Variants in EXD3 observed in about 807,000 individuals in gnomAD.
EXD3 encodes the protein exonuclease 3'-5' domain containing 3, also known as exonuclease mut-7 homolog.
A neutral mutation model predicts 98.0 loss-of-function variants in EXD3; 92 were observed. That is an observed-to-expected ratio of 0.94 (90% CI 0.79 to 1.12). The LOEUF is 1.12. Among genes scored for constraint, EXD3 ranks in the 50% most tolerant of loss-of-function variants. EXD3 has a pLI of 0.00. For synonymous variants in EXD3, 569 were observed against 526.0 expected, an observed-to-expected ratio of 1.08 and a Z score of -1.12; for missense variants, 1,222 against 1,191.6, an observed-to-expected ratio of 1.03 and a Z score of -0.38.
chr9:137,328,632 C>G (rs1029944766), intron 17 of EXD3, among the ~76,000 whole-genome samples: 1 of 66,660 alleles, frequency 1.5e-5, no homozygotes, highest in African/African-American at 8.3e-5. Flanking sequence ...CTACACGGGA[C>G]TACACGGGGC....
At position 137,385,023 on chromosome 9, in the gene EXD3, C is replaced by T. The variant is rs527697515; in HGVS notation, c.56-1646G>A. ...AGGAGAACAGCATGAACCCGGGAGG[C>T]GGAGGTCGCAGTGAGCCGAGATCGG... On this transcript the variant is annotated intron_variant, in intron 2 of 21. Transcript: ENST00000340951. The surrounding 1 kb of genome is among the most constrained non-coding windows in gnomAD (Gnocchi z 4.4). Among the ~76,000 whole-genome samples, 162 of 152,172 alleles carry T rather than the reference C, an allele frequency of 1.1e-3. No homozygotes were observed. The highest frequency in any genetic ancestry group is 1.9e-3 in the Non-Finnish European group (127 of 68,008).
At chr9:137,312,921 G>A (rs1023602839) in intron 19 of EXD3, among the ~76,000 whole-genome samples, 3 of 152,172 alleles carry the variant, frequency 2.0e-5, no homozygotes, top group Non-Finnish European at 4.4e-5. Flanking sequence ...ACCTGACCTG[G>A]TGCCCACTTG....
At chr9:137,331,316 TG>T (rs1167286546) in intron 17 of EXD3, among the ~76,000 whole-genome samples, 1 of 151,840 alleles carries the variant, frequency 6.6e-6, no homozygotes, top group Non-Finnish European at 1.5e-5. Flanking sequence ...TGGGGAAAAG[TG>T]GAAACAGTCC....
chr9:137,349,147 C>T lies in EXD3; in HGVS notation c.1793G>A (p.Gly598Asp). 9.4e-6 allele frequency: 15 copies of T among 1,598,540 alleles called. No individual in the cohort carries two copies. Among genetic ancestry groups the T allele is most frequent in the Non-Finnish European group, 1.3e-5 (15 of 1,178,318 alleles). Residue 598 changes from glycine to aspartate, a missense_variant, in exon 16 of 22, where the codon GGC becomes GAC. Transcript: ENST00000340951. This position sits in a 1 kb window ranked among gnomAD's most constrained non-coding sequence, Gnocchi z 7.4. ...RERPGARKPP[G>D]LQKASAPAAP... is the part of the protein sequence containing the mutation. ...GGCCGGTGCTGACGCTTTCTGCAGGCCGGGTGGCTTCCGTGCCCCTGGTCT... is the reference window on the plus strand; with the variant it reads ...GGCCGGTGCTGACGCTTTCTGCAGGTCGGGTGGCTTCCGTGCCCCTGGTCT...
intron 17 of EXD3, among the ~76,000 whole-genome samples, chr9:137,337,364 T>C (rs944941125): frequency 1.3e-5 from 2 of 152,100 alleles, no homozygotes; most frequent in Non-Finnish European, 2.9e-5. Flanking sequence ...AGGATAAAGA[T>C]GATTTAGGCT....
Position 137,354,685 on chromosome 9 carries a change from CT to C in EXD3, c.831+14del. On this transcript the variant is annotated intron_variant, in intron 9 of 21. Transcript: ENST00000340951. Reference sequence around the variant, plus strand: ...CGCGGCTGGCTGCCCCCAGGACCCCCTCCTGCTCACGAACCTCCACAAACCG... The same window carrying C: ...CGCGGCTGGCTGCCCCCAGGACCCCCCCTGCTCACGAACCTCCACAAACCG... 6.2e-7 allele frequency: 1 copy of C among 1,610,274 alleles called. No individual in the cohort carries two copies. Among genetic ancestry groups the C allele is most frequent in the Non-Finnish European group, 8.5e-7 (1 of 1,179,670 alleles).
intron 19 of EXD3, among the ~76,000 whole-genome samples, chr9:137,314,819 G>A (rs1377055114): frequency 6.6e-6 from 1 of 152,204 alleles, no homozygotes; most frequent in Non-Finnish European, 1.5e-5. Context: ...CCAAAAGCCA[G>A]GGCCCTGAGT....
At chr9:137,330,534 T>TACAGGAGCTAC (rs1351727685) in intron 17 of EXD3, among the ~76,000 whole-genome samples, 1 of 89,882 alleles carries the variant, frequency 1.1e-5, no homozygotes, top group African/African-American at 4.2e-5. Flanking sequence ...ACAGGAGCTA[T>TACAGGAGCTAC]ACAGGAGCTA....
At position 137,359,736 on chromosome 9, in the gene EXD3, C is replaced by G. The variant is rs1834950594; in HGVS notation, c.657-3368G>C. Among the ~76,000 whole-genome samples the G allele has an allele frequency of 2.3e-5, 2 of 85,674 alleles. 1 individual carries two copies. Among genetic ancestry groups the G allele is most frequent in the Non-Finnish European group, 5.7e-5 (2 of 34,976 alleles). 56.2% of individuals were successfully genotyped at this position (85,674 alleles called of 152,430 possible). A position where few individuals can be genotyped will look rare whatever the true frequency, so the allele number is the denominator to read the frequency against. Reference sequence around the variant, plus strand: ...TGGCTTCTTCCATGCAGTCTCTGTCCACGCTGCTGAGTGTGACGAGGTTCA... The same window carrying G: ...TGGCTTCTTCCATGCAGTCTCTGTCGACGCTGCTGAGTGTGACGAGGTTCA... On this transcript the variant is annotated intron_variant, in intron 7 of 21. Coordinates refer to ENST00000340951, the MANE Select transcript of EXD3 (RefSeq NM_017820.5).
In EXD3 at chr9:137,418,598, A is replaced by G. The variant is rs142137947; in HGVS notation, c.-48+4516T>C. ...CTCGCTGAGTTTTTAACGGAAAATT[A>G]GGGTCACGAAGTTAACACTGTAATT... On this transcript the variant is annotated intron_variant, in intron 1 of 21. Coordinates refer to ENST00000340951, the MANE Select transcript of EXD3 (RefSeq NM_017820.5). 1.2e-4 allele frequency among the ~76,000 whole-genome samples: 18 copies of G among 152,372 alleles called. No individual in the cohort carries two copies. In the East Asian group the frequency reaches 3.5e-3, roughly 29 times the overall value.
In EXD3 at chr9:137,354,683, C is replaced by T; in HGVS notation, c.831+17G>A. ...GCCGCGGCTGGCTGCCCCCAGGACC[C>T]CCTCCTGCTCACGAACCTCCACAAA... On this transcript the variant is annotated intron_variant, in intron 9 of 21. Coordinates refer to ENST00000340951, the MANE Select transcript of EXD3 (RefSeq NM_017820.5). 1 of 1,610,130 alleles carries T rather than the reference C, an allele frequency of 6.2e-7. No homozygotes were observed. The highest frequency in any genetic ancestry group is 1.1e-5 in the South Asian group (1 of 91,086).
In EXD3 at chr9:137,385,644, G is replaced by A. The variant is rs1836553524; in HGVS notation, c.56-2267C>T. Reference sequence around the variant, plus strand: ...TCCACCTCTCAGGTTCGTGATTCTCGTGCCTCAGCCTCCGGAGTAGCTGGG... The same window carrying A: ...TCCACCTCTCAGGTTCGTGATTCTCATGCCTCAGCCTCCGGAGTAGCTGGG... On this transcript the variant is annotated intron_variant, in intron 2 of 21. Transcript: ENST00000340951. The surrounding 1 kb of genome is among the most constrained non-coding windows in gnomAD (Gnocchi z 4.4). 6.6e-6 allele frequency among the ~76,000 whole-genome samples: 1 copy of A among 152,090 alleles called. No individual in the cohort carries two copies.
chr9:137,407,856 A>T lies in EXD3; in HGVS notation c.-47-12452T>A, dbSNP rs1837803984. 6.9e-6 allele frequency among the ~76,000 whole-genome samples: 1 copy of T among 145,900 alleles called. No individual in the cohort carries two copies. The highest frequency in any genetic ancestry group is 1.5e-5 in the Non-Finnish European group (1 of 65,426). The stretch of plus-strand genomic sequence containing the variant: ...AGGCGGGAGGCGGGAGGGGCACAGC[A>T]AAGGGTCTGGGGGGAGGCCGGAGGG... On this transcript the variant is annotated intron_variant, in intron 1 of 21. Transcript: ENST00000340951. This position sits in a 1 kb window ranked among gnomAD's most constrained non-coding sequence, Gnocchi z 4.4.
In EXD3 at chr9:137,403,478, G is replaced by A. The variant is rs540116892; in HGVS notation, c.-47-8074C>T. Among the ~76,000 whole-genome samples the A allele has an allele frequency of 9.2e-5, 14 of 152,034 alleles. No individual in the cohort carries two copies. In the South Asian group the frequency reaches 1.2e-3, roughly 14 times the overall value. ...CCAGGGTCTCCGAGGGTCGGGGGCC[G>A]CAGGGTCTGGCAGCACCCCATGAAG... is the stretch of plus-strand genomic sequence containing the variant. On this transcript the variant is annotated intron_variant, in intron 1 of 21. Transcript: ENST00000340951. The surrounding 1 kb of genome is among the most constrained non-coding windows in gnomAD (Gnocchi z 6.1).
At chr9:137,353,426 C>G in intron 10 of EXD3, 1 of 985,416 alleles carries the variant, frequency 1.0e-6, no homozygotes, top group Non-Finnish European at 1.2e-6. Context: ...GGGAGCCCCT[C>G]TGCCCCTTCC....
chr9:137,309,340 C>G (rs1164118051), intron 20 of EXD3, among the ~76,000 whole-genome samples: 1 of 152,158 alleles, frequency 6.6e-6, no homozygotes, highest in Non-Finnish European at 1.5e-5. Context: ...CACACCACTC[C>G]AGAGGGTCGC....
chr9:137,352,891 G>A, intron 10 of EXD3, 105 bp from the exon 11 acceptor site: 1 of 1,460,402 alleles, frequency 6.8e-7, no homozygotes, highest in South Asian at 1.4e-5. Context: ...CTGGCTATGA[G>A]CACTCGGGGA....
chr9:137,419,883 G>A (rs1424419312), intron 1 of EXD3, among the ~76,000 whole-genome samples: 1 of 152,082 alleles, frequency 6.6e-6, no homozygotes, highest in Non-Finnish European at 1.5e-5. Flanking sequence ...AAAGCGGCCG[G>A]GCGCGGTGGC....
In EXD3 at chr9:137,405,382, GC is replaced by G. The variant is rs1169809518; in HGVS notation, c.-47-9979del. On this transcript the variant is annotated intron_variant, in intron 1 of 21. Coordinates refer to ENST00000340951, the MANE Select transcript of EXD3 (RefSeq NM_017820.5). This position sits in a 1 kb window ranked among gnomAD's most constrained non-coding sequence, Gnocchi z 4.1. ...CACAGGACCAACGGGGGCAGGGTGGGCCCCCCACACAGGTCCTGGACTCATT... is the reference window on the plus strand; with the variant it reads ...CACAGGACCAACGGGGGCAGGGTGGGCCCCCACACAGGTCCTGGACTCATT... 1.3e-5 allele frequency among the ~76,000 whole-genome samples: 2 copies of G among 152,200 alleles called. No individual in the cohort carries two copies. Among genetic ancestry groups the G allele is most frequent in the Non-Finnish European group, 2.9e-5 (2 of 68,020 alleles).
Sources: gnomAD v4.1 joint callset for allele counts (sites outside exome capture counted in the v4.1 genomes callset) on GRCh38, gnomAD v4.1.1 for gene constraint, Gnocchi (gnomAD v3.1) non-coding constraint, MANE v1.5 for transcripts, NCBI Gene and HGNC (gene_info 2026-07-23, HGNC 2026-07-21) for gene names.